Variants in PKIA observed in about 807,000 individuals in gnomAD.
The protein encoded by PKIA is PKI-alpha.
In PKIA, 4 loss-of-function variants were observed where a neutral mutation model predicts 7.6. The ratio of observed to expected loss-of-function variants is 0.52; its 90% confidence interval spans 0.26 to 1.20. The LOEUF is 1.20. Ranked by LOEUF, PKIA falls within the 50% of genes most tolerant of loss-of-function variation. The pLI is 0.13. For missense variants in PKIA, 73 were observed against 86.2 expected (o/e 0.85, Z 0.61); for synonymous variants, 21 against 30.7 (o/e 0.68, Z 1.04).
chr8:78,534,597 G>A (rs1194939838), intron 1 of PKIA: 1 of 152,036 alleles, frequency 6.6e-6, no homozygotes, highest in Non-Finnish European at 1.5e-5. Context: ...TTCCAGGTAT[G>A]GTACTGGTCA....
intron 1 of PKIA, 138 bp from the exon 2 acceptor site, chr8:78,572,673 T>G (rs1368918161): frequency 2.0e-5 from 3 of 151,688 alleles, no homozygotes; most frequent in Non-Finnish European, 4.4e-5. Flanking sequence ...GTTGTGAGAA[T>G]TCATACTCAT....
At chr8:78,585,768 C>A (rs1271516716) in intron 2 of PKIA, among the ~76,000 whole-genome samples, 1 of 152,090 alleles carries the variant, frequency 6.6e-6, no homozygotes, top group African/African-American at 2.4e-5. Flanking sequence ...AAAATACTTG[C>A]TTGCAGAATA....
intron 2 of PKIA, among the ~76,000 whole-genome samples, chr8:78,597,662 T>C (rs1190393522): frequency 6.6e-6 from 1 of 152,234 alleles, no homozygotes; most frequent in African/African-American, 2.4e-5. Flanking sequence ...TTTTATAATG[T>C]AAACTAAATG....
chr8:78,518,280 T>C (rs921319286), intron 1 of PKIA, among the ~76,000 whole-genome samples: 1 of 152,218 alleles, frequency 6.6e-6, no homozygotes, highest in Non-Finnish European at 1.5e-5. Context: ...TCCTTTTTTG[T>C]TGTTGTTATT....
At chr8:78,539,638 A>G (rs1367243305) in intron 1 of PKIA, among the ~76,000 whole-genome samples, 2 of 152,018 alleles carry the variant, frequency 1.3e-5, no homozygotes, top group Non-Finnish European at 2.9e-5. Flanking sequence ...AATGCTTTTT[A>G]CATTTTTAAA....
intron 1 of PKIA, among the ~76,000 whole-genome samples, chr8:78,537,538 C>A: frequency 6.6e-6 from 1 of 151,990 alleles, no homozygotes; most frequent in South Asian, 2.1e-4. Flanking sequence ...TGTTTCTATG[C>A]GATAACCGAT....
chr8:78,596,050 A>G (rs1808219476), intron 2 of PKIA, among the ~76,000 whole-genome samples: 1 of 152,034 alleles, frequency 6.6e-6, no homozygotes, highest in Non-Finnish European at 1.5e-5. Context: ...TGACTTATTA[A>G]TAATAGCCAC....
At chr8:78,524,170 A>C (rs1427078188) in intron 1 of PKIA, among the ~76,000 whole-genome samples, 1 of 137,864 alleles carries the variant, frequency 7.3e-6, no homozygotes, top group Non-Finnish European at 1.5e-5. Context: ...ATATATGTAT[A>C]AACATTTATA....
intron 2 of PKIA, among the ~76,000 whole-genome samples, chr8:78,587,657 G>A (rs889405413): frequency 6.6e-6 from 1 of 152,124 alleles, no homozygotes; most frequent in East Asian, 1.9e-4. Context: ...ATATATATTT[G>A]ATAAAAAACT....
chr8:78,571,714 C>G (rs117609328), intron 1 of PKIA, among the ~76,000 whole-genome samples: 1 of 152,080 alleles, frequency 6.6e-6, no homozygotes, highest in Non-Finnish European at 1.5e-5. Context: ...TCCTTGCTCA[C>G]TTTCCAGGAA....
intron 2 of PKIA, among the ~76,000 whole-genome samples, chr8:78,592,763 T>C (rs999621222): frequency 1.3e-5 from 2 of 152,212 alleles, no homozygotes; most frequent in African/African-American, 2.4e-5. Flanking sequence ...CACTTTCTTT[T>C]ATATATACCT....
chr8:78,604,628 A>G lies in PKIA; in HGVS notation c.*2807A>G, dbSNP rs759262392. On this transcript the variant is annotated 3_prime_UTR_variant, in exon 4 of 4. Coordinates refer to ENST00000396418, the MANE Select transcript of PKIA (RefSeq NM_006823.4). The stretch of plus-strand genomic sequence containing the variant: ...TTCAATTATGTCTTATTTGGGGGGT[A>G]TATTTCCCAGAAGATATTTTTCTGG... The G allele has an allele frequency of 1.3e-5, 2 of 151,988 alleles. No individual in the cohort carries two copies. Among genetic ancestry groups the G allele is most frequent in the Admixed American group, 6.6e-5 (1 of 15,214 alleles). 9.4% of individuals were successfully genotyped at this position (151,988 alleles called of 1,614,324 possible). A position where few individuals can be genotyped will look rare whatever the true frequency, so the allele number is the denominator to read the frequency against.
At position 78,605,085 on chromosome 8, in the gene PKIA, G is replaced by C. The variant is rs1345133903; in HGVS notation, c.*3264G>C. The C allele has an allele frequency of 1.3e-5, 2 of 151,952 alleles. No individual in the cohort carries two copies. Among genetic ancestry groups the C allele is most frequent in the Non-Finnish European group, 2.9e-5 (2 of 67,946 alleles). 9.4% of individuals were successfully genotyped at this position (151,952 alleles called of 1,614,324 possible). On this transcript the variant is annotated 3_prime_UTR_variant, in exon 4 of 4. Coordinates refer to ENST00000396418, the MANE Select transcript of PKIA (RefSeq NM_006823.4). ...AGTAGTAGTAGGGAGAAAATGTGTA[G>C]TCATCAAGTGAAAATAGGAAAGGAT... is the stretch of plus-strand genomic sequence containing the variant.
intron 1 of PKIA, among the ~76,000 whole-genome samples, chr8:78,523,940 A>G: frequency 7.1e-6 from 1 of 140,834 alleles, no homozygotes; most frequent in South Asian, 2.1e-4. Flanking sequence ...AAATATATAT[A>G]AACATTTATA....
intron 2 of PKIA, among the ~76,000 whole-genome samples, chr8:78,579,498 C>G (rs1807757245): frequency 6.6e-6 from 1 of 151,960 alleles, no homozygotes; most frequent in Non-Finnish European, 1.5e-5. Flanking sequence ...GACCTTTGCA[C>G]TTGTTATTTT....
chr8:78,523,393 T>G (rs1256899224), intron 1 of PKIA, among the ~76,000 whole-genome samples: 2 of 151,968 alleles, frequency 1.3e-5, no homozygotes, highest in Admixed American at 1.3e-4. Context: ...ATCAGCATTC[T>G]TATCTTTGTC....
intron 1 of PKIA, among the ~76,000 whole-genome samples, chr8:78,567,954 G>T (rs1367675206): frequency 6.6e-6 from 1 of 152,060 alleles, no homozygotes; most frequent in Non-Finnish European, 1.5e-5. Flanking sequence ...CTACCAGATG[G>T]TCTACTTCCA....
At chr8:78,581,915 G>A (rs965044485) in intron 2 of PKIA, among the ~76,000 whole-genome samples, 1 of 152,072 alleles carries the variant, frequency 6.6e-6, no homozygotes, top group Non-Finnish European at 1.5e-5. Flanking sequence ...GGTTGACAGG[G>A]CATTGTGTTG....
chr8:78,598,228 G>C (rs1161134939), intron 2 of PKIA, 130 bp from the exon 3 acceptor site: 1 of 451,234 alleles, frequency 2.2e-6, no homozygotes. Context: ...CTTAGGACCA[G>C]AAAAGGCATT....
Sources: gnomAD v4.1 joint callset for allele counts (sites outside exome capture counted in the v4.1 genomes callset) on GRCh38, gnomAD v4.1.1 for gene constraint, MANE v1.5 for transcripts, NCBI Gene and HGNC (gene_info 2026-07-23, HGNC 2026-07-21) for gene names.